Variants in KIF25 observed in about 807,000 individuals in gnomAD.
The protein encoded by KIF25 is kinesin family member 25.
Under a neutral mutation model 32.9 loss-of-function variants are expected in KIF25, and 19 were observed. The ratio of observed to expected loss-of-function variants is 0.58; its 90% CI spans 0.40 to 0.85. The LOEUF is 0.85. KIF25 is among the 40% of genes least tolerant of loss of function. The pLI, the probability that KIF25 is intolerant of heterozygous loss-of-function variation, is 0.00. For missense variants in KIF25, 485 were observed against 507.0 expected, an observed-to-expected ratio of 0.96 and a Z score of 0.42; for synonymous variants, 225 against 213.7, an observed-to-expected ratio of 1.05 and a Z score of -0.46.
chr6:168,019,931 G>C (rs113008558), intron 5 of KIF25, among the ~76,000 whole-genome samples: 1,995 of 152,194 alleles, frequency 0.013, 51 homozygotes, highest in African/African-American at 0.046. Context: ...TCAAGAGATC[G>C]AGACCATCCT....
chr6:168,017,206 G>GAGAC (rs1798727390), intron 4 of KIF25, among the ~76,000 whole-genome samples: 1 of 139,230 alleles, frequency 7.2e-6, no homozygotes, highest in African/African-American at 2.6e-5. Flanking sequence ...CACACACACA[G>GAGAC]ACACACACAC....
chr6:168,042,231 C>A, intron 11 of KIF25, 80 bp downstream of exon 11: 7 of 1,401,258 alleles, frequency 5.0e-6, no homozygotes, highest in Non-Finnish European at 6.7e-6. Context: ...TGCAACCAGG[C>A]AGCCCGGGAA....
intron 10 of KIF25, among the ~76,000 whole-genome samples, chr6:168,041,361 C>T (rs143399389): frequency 1.5e-3 from 224 of 152,314 alleles, no homozygotes; most frequent in Middle Eastern, 3.4e-3. Context: ...AAGGCACAGG[C>T]GTGTGATGTT....
chr6:168,039,887 G>C (rs947099314), intron 9 of KIF25, among the ~76,000 whole-genome samples, 178 bp from the exon 10 acceptor site: 1 of 152,194 alleles, frequency 6.6e-6, no homozygotes, highest in Non-Finnish European at 1.5e-5. Context: ...AGGTTGGTTA[G>C]GTCTCAAAAG....
chr6:168,010,717 G>T (rs1386355390), intron 4 of KIF25, among the ~76,000 whole-genome samples: 1 of 151,962 alleles, frequency 6.6e-6, no homozygotes, highest in Non-Finnish European at 1.5e-5. Flanking sequence ...TGAGAGTGGG[G>T]TGTTGAAGTC....
intron 12 of KIF25, among the ~76,000 whole-genome samples, chr6:168,044,373 C>T (rs1256256893): frequency 1.1e-5 from 1 of 88,028 alleles, no homozygotes. Flanking sequence ...CTCCCGGACC[C>T]AGGTGAGGGA....
chr6:168,008,828 G>A (rs532151993), intron 4 of KIF25, among the ~76,000 whole-genome samples: 25 of 151,908 alleles, frequency 1.6e-4, no homozygotes, highest in African/African-American at 5.8e-4. Flanking sequence ...TAAATTTTTT[G>A]CAGCTATTGT....
chr6:168,011,183 T>C (rs1798642872), intron 4 of KIF25, among the ~76,000 whole-genome samples: 1 of 152,198 alleles, frequency 6.6e-6, no homozygotes, highest in Non-Finnish European at 1.5e-5. Context: ...TTGTCTATCC[T>C]TTGCTTCTTA....
intron 4 of KIF25, among the ~76,000 whole-genome samples, chr6:168,006,647 T>C (rs975889431): frequency 1.3e-5 from 2 of 152,214 alleles, no homozygotes; most frequent in African/African-American, 4.8e-5. Flanking sequence ...AAGATGAATT[T>C]AGAAAGCACA....
chr6:168,019,359 A>T (rs1422167904), intron 5 of KIF25, among the ~76,000 whole-genome samples: 1 of 152,250 alleles, frequency 6.6e-6, no homozygotes, highest in East Asian at 1.9e-4. Flanking sequence ...AGGTGAAAAC[A>T]GTTGTTATAA....
At chr6:168,042,175 T>G (rs1267964007) in intron 11 of KIF25, 24 bp downstream of exon 11, 3 of 1,542,458 alleles carry the variant, frequency 1.9e-6, no homozygotes, top group Admixed American at 2.0e-5. Context: ...GGCATTTCCC[T>G]GGGGGGTGGG....
At chr6:168,012,631 C>G (rs1015368489) in intron 4 of KIF25, among the ~76,000 whole-genome samples, 2 of 152,218 alleles carry the variant, frequency 1.3e-5, no homozygotes, top group African/African-American at 4.8e-5. Flanking sequence ...AGTTGCTTAG[C>G]TGACCTGGGA....
chr6:168,043,522 G>A (rs1799163757), intron 12 of KIF25, among the ~76,000 whole-genome samples: 1 of 152,182 alleles, frequency 6.6e-6, no homozygotes, highest in African/African-American at 2.4e-5. Context: ...CTCATTGTGG[G>A]GTATTTCCCC....
chr6:168,022,314 C>T (rs1342853344), intron 5 of KIF25, among the ~76,000 whole-genome samples: 10 of 152,184 alleles, frequency 6.6e-5, no homozygotes, highest in Non-Finnish European at 1.5e-4. Flanking sequence ...TTTAACCCAT[C>T]TGTTTTTCGT....
At chr6:168,017,463 A>G (rs1798731283) in intron 4 of KIF25, among the ~76,000 whole-genome samples, 1 of 152,256 alleles carries the variant, frequency 6.6e-6, no homozygotes, top group African/African-American at 2.4e-5. Context: ...TCCCTTACAC[A>G]GGATATAATT....
chr6:168,023,384 C>T (rs947669746), intron 5 of KIF25, among the ~76,000 whole-genome samples: 12 of 151,736 alleles, frequency 7.9e-5, no homozygotes, highest in African/African-American at 2.9e-4. Flanking sequence ...TCTCCTGCCT[C>T]AGCCTCCCAA....
chr6:168,024,408 A>G (rs1028045110), intron 5 of KIF25, among the ~76,000 whole-genome samples: 22 of 121,018 alleles, frequency 1.8e-4, no homozygotes, highest in Middle Eastern at 5.5e-3. Context: ...GAATAATCTT[A>G]GTAAAAACCT....
rs564675047 is a variant in KIF25, at chr6:168,016,862, C to T, written c.-162-1111C>T. Among the ~76,000 whole-genome samples, 23 of 152,330 alleles carry T rather than the reference C, an allele frequency of 1.5e-4. No individual in the cohort carries two copies. In the South Asian group the frequency reaches 2.3e-3, roughly 15 times the overall value. On this transcript the variant is annotated intron_variant, in intron 4 of 12. Transcript: ENST00000643607. ...GCAGGGAGCAACCCAAGGCTGCCTA[C>T]GAGGCACAGCCGAGGCTCTGTCCCC...
At chr6:168,043,203 C>A (rs1215197915) in intron 12 of KIF25, among the ~76,000 whole-genome samples, 1 of 152,182 alleles carries the variant, frequency 6.6e-6, no homozygotes, top group Non-Finnish European at 1.5e-5. Context: ...TGGATCTGGG[C>A]TTTGCGGTTT....
Sources: gnomAD v4.1 joint callset for allele counts (sites outside exome capture counted in the v4.1 genomes callset) on GRCh38, gnomAD v4.1.1 for gene constraint, MANE v1.5 for transcripts, NCBI Gene and HGNC (gene_info 2026-07-23, HGNC 2026-07-21) for gene names.